WWP1: variants seen among roughly 807,000 people sequenced by gnomAD.
The protein encoded by WWP1 is NEDD4-like E3 ubiquitin-protein ligase WWP1.
Under a neutral mutation model 130.6 loss-of-function variants are expected in WWP1, and 49 were observed. The observed-to-expected ratio is 0.38, with a 90% CI of 0.30 to 0.48. The LOEUF is 0.48. Ranked by LOEUF, WWP1 falls within the 20% of genes least tolerant of loss-of-function variation. WWP1 has a pLI of 0.99. For synonymous variants in WWP1, 332 were observed against 367.8 expected, an observed-to-expected ratio of 0.90 and a Z score of 1.11; for missense variants, 809 against 1,100.6, an observed-to-expected ratio of 0.74 and a Z score of 3.75.
chr8:86,402,179 G>C lies in WWP1; in HGVS notation c.700G>C (p.Ala234Pro). ...AAATACACCAGCTCCAAAACCACTC[G>C]CATCTGAGCCTGCCGATGACACTGG... ...PKNTPAPKPL[A>P]SEPADDTVNG... is the part of the protein sequence containing the mutation. The change falls in exon 8 of 25, where the codon GCA (alanine) becomes CCA (proline). Residue 234 changes from alanine (A) to proline (P), a missense_variant. By Grantham distance (27) the Ala-to-Pro change is conservative. This residue lies in a region of WWP1 where 262 missense variants were observed against 346.0 expected (regional missense o/e 0.76). Transcript: ENST00000517970. The C allele has an allele frequency of 1.2e-6, 2 of 1,613,272 alleles. No individual in the cohort carries two copies. The highest frequency in any genetic ancestry group is 1.7e-6 in the Non-Finnish European group (2 of 1,179,666).
chr8:86,363,326 G>T (rs560751655), intron 1 of WWP1, among the ~76,000 whole-genome samples: 2 of 152,120 alleles, frequency 1.3e-5, no homozygotes, highest in African/African-American at 2.4e-5. Context: ...GGGAAAGCTG[G>T]TCTGCTGGTC....
chr8:86,464,923 G>A (rs1811964819), intron 24 of WWP1, among the ~76,000 whole-genome samples: 1 of 82,626 alleles, frequency 1.2e-5, no homozygotes, highest in South Asian at 5.7e-4. Context: ...GCGCGCGCGT[G>A]TGTGTGTGTA....
At chr8:86,391,094 C>T (rs1439707025) in intron 5 of WWP1, among the ~76,000 whole-genome samples, 1 of 151,892 alleles carries the variant, frequency 6.6e-6, no homozygotes, top group Non-Finnish European at 1.5e-5. Flanking sequence ...TAAATAAACC[C>T]CCCAGACTCT....
intron 21 of WWP1, among the ~76,000 whole-genome samples, chr8:86,455,101 G>GTTT (rs1053838463): frequency 6.6e-6 from 1 of 151,958 alleles, no homozygotes; most frequent in African/African-American, 2.4e-5. Flanking sequence ...GTTAACATCT[G>GTTT]TTTAATGCTT....
chr8:86,426,440 T>C (rs1293519620), intron 10 of WWP1, among the ~76,000 whole-genome samples: 2 of 152,338 alleles, frequency 1.3e-5, no homozygotes, highest in Non-Finnish European at 2.9e-5. Context: ...ATTGGTTTAA[T>C]AGATCCTACA....
rs1563534330 is a variant in WWP1 at position 86,438,680 on chromosome 8, T to TA, written c.1838+13dup. 1.3e-6 allele frequency: 2 copies of TA among 1,590,738 alleles called. No individual in the cohort carries two copies. The highest frequency in any genetic ancestry group is 1.8e-5 in the Admixed American group (1 of 54,602). Reference sequence around the variant, plus strand: ...ATTATGGTGGCCTAGCGAGGTAAAATAAAAAACACATATCTGCCTTGAAAT... The same window carrying TA: ...ATTATGGTGGCCTAGCGAGGTAAAATAAAAAAACACATATCTGCCTTGAAAT... On this transcript the variant is annotated splice_region_variant and intron_variant, in intron 17 of 24. Transcript: ENST00000517970.
At position 86,427,795 on chromosome 8, in the gene WWP1, T is replaced by G. The variant is rs1461315975; in HGVS notation, c.1310T>G (p.Phe437Cys). 1 of 1,612,934 alleles carries G rather than the reference T, an allele frequency of 6.2e-7. No individual in the cohort carries two copies. Among genetic ancestry groups the G allele is most frequent in the Admixed American group, 1.7e-5 (1 of 59,928 alleles). The change falls in exon 11 of 25, where the codon TTT becomes TGT. Residue 437 changes from phenylalanine (F) to cysteine (C), a missense_variant. Phe to Cys is a radical substitution (Grantham distance 205, BLOSUM62 -2). This residue lies in a region of WWP1 where 450 missense variants were observed against 674.2 expected (regional missense o/e 0.67). Transcript: ENST00000517970. ...CAATTGCAGGGAGCTATGCAACAGT[T>G]TAACCAACGATACCTCTATTCGGTA... ...RNQLQGAMQQFNQRYLYSASM... is the reference protein window; with the variant it reads ...RNQLQGAMQQCNQRYLYSASM...
intron 14 of WWP1, among the ~76,000 whole-genome samples, chr8:86,434,231 A>C (rs1810156844): frequency 6.6e-6 from 1 of 152,244 alleles, no homozygotes; most frequent in Admixed American, 6.5e-5. Context: ...AGTGGTTTCC[A>C]TCTCAATAAG....
At position 86,411,653 on chromosome 8, in the gene WWP1, T is replaced by A. The variant is rs771946094; in HGVS notation, c.840T>A (p.Asp280Glu). ...SPNCTSTTVEDPPVQEILTSS... is the reference protein window; with the variant it reads ...SPNCTSTTVEEPPVQEILTSS... ...ATTGCACTAGTACTACTGTTGAAGA[T>A]CCTCCAGTTCAAGAAATACTGACTT... Residue 280 changes from aspartate to glutamate, a missense_variant, in exon 9 of 25, where the codon GAT (aspartate) becomes GAA (glutamate). By Grantham distance (45) the Asp-to-Glu change is conservative. Around this residue, in one of 3 missense-constraint regions of WWP1, gnomAD observed 262 missense variants for 346.0 expected, o/e 0.76. Coordinates refer to ENST00000517970, the MANE Select transcript of WWP1 (RefSeq NM_007013.4). 3.1e-6 allele frequency: 5 copies of A among 1,614,148 alleles called. No homozygotes were observed. The South Asian group carries it at 5.5e-5, about 18-fold the overall frequency.
chr8:86,438,920 C>T (rs748037355), intron 17 of WWP1, among the ~76,000 whole-genome samples: 1 of 151,852 alleles, frequency 6.6e-6, no homozygotes, highest in Non-Finnish European at 1.5e-5. Flanking sequence ...CTTTTTTTAA[C>T]AGTTAATCAT....
intron 2 of WWP1, among the ~76,000 whole-genome samples, chr8:86,370,855 C>CTTTTTTT (rs555585296): frequency 0.015 from 656 of 44,890 alleles, 170 homozygotes; most frequent in African/African-American, 0.04. Context: ...TATATTCATT[C>CTTTTTTT]TTTTTTTTTT....
chr8:86,370,703 TTTC>T (rs1824236090), intron 2 of WWP1, among the ~76,000 whole-genome samples: 1 of 152,098 alleles, frequency 6.6e-6, no homozygotes. Context: ...GTTGGAAGAA[TTTC>T]TTCATGACTT....
intron 3 of WWP1, among the ~76,000 whole-genome samples, chr8:86,376,373 G>A (rs1359138302): frequency 3.9e-5 from 6 of 151,950 alleles, no homozygotes; most frequent in African/African-American, 1.5e-4. Flanking sequence ...GTTTGTGACT[G>A]GCCTGGCCAA....
intron 21 of WWP1, among the ~76,000 whole-genome samples, chr8:86,455,625 CTG>C (rs1464241985): frequency 6.6e-6 from 1 of 151,860 alleles, no homozygotes; most frequent in African/African-American, 2.4e-5. Context: ...ATACTAAAAA[CTG>C]AAAACATTGC....
intron 17 of WWP1, among the ~76,000 whole-genome samples, chr8:86,439,406 C>T (rs1810478082): frequency 6.6e-6 from 1 of 151,326 alleles, no homozygotes; most frequent in Non-Finnish European, 1.5e-5. Flanking sequence ...TTTGCCCAGG[C>T]TGATCTTGAA....
intron 8 of WWP1, among the ~76,000 whole-genome samples, chr8:86,404,451 A>T (rs1808164483): frequency 6.6e-6 from 1 of 152,226 alleles, no homozygotes; most frequent in African/African-American, 2.4e-5. Flanking sequence ...TTATACCTCT[A>T]CAGCTTGTCT....
intron 3 of WWP1, among the ~76,000 whole-genome samples, chr8:86,378,368 G>A (rs1340734883): frequency 6.6e-6 from 1 of 151,682 alleles, no homozygotes; most frequent in Non-Finnish European, 1.5e-5. Flanking sequence ...AAGTTTTATA[G>A]TTCTCTTCAT....
intron 17 of WWP1, among the ~76,000 whole-genome samples, chr8:86,439,120 G>A (rs1810457209): frequency 6.6e-6 from 1 of 152,050 alleles, no homozygotes; most frequent in Non-Finnish European, 1.5e-5. Flanking sequence ...AAGGCGGGTG[G>A]ATCATGATAT....
chr8:86,424,426 C>G, intron 9 of WWP1, among the ~76,000 whole-genome samples: 1 of 152,102 alleles, frequency 6.6e-6, no homozygotes, highest in East Asian at 2.0e-4. Context: ...AGGCTGCAAT[C>G]TCGGCACTTT....
Sources: allele counts gnomAD v4.1 joint callset (sites outside exome capture counted in the v4.1 genomes callset), GRCh38; gene constraint gnomAD v4.1.1; regional missense constraint gnomAD v4.1.1; transcripts MANE v1.5; gene names NCBI Gene and HGNC (gene_info 2026-07-23, HGNC 2026-07-21).